Variants in TNRC6B observed in about 807,000 individuals in gnomAD.
TNRC6B encodes trinucleotide repeat-containing gene 6B protein.
A neutral mutation model predicts 203.6 loss-of-function variants in TNRC6B; 52 were observed. That is an observed-to-expected ratio of 0.26 (90% CI 0.20 to 0.32). TNRC6B has a LOEUF of 0.32. Ranked by LOEUF, TNRC6B falls within the 10% of genes least tolerant of loss-of-function variation. The probability of loss-of-function intolerance (pLI) is 1.00; values close to 1 mark genes in which losing one functional copy is unlikely to be tolerated. For synonymous variants in TNRC6B, 838 were observed against 845.7 expected, an observed-to-expected ratio of 0.99 and a Z score of 0.16; for missense variants, 1,923 against 2,286.2, an observed-to-expected ratio of 0.84 and a Z score of 3.24.
chr22:40,148,711 A>G (rs997801154), intron 3 of TNRC6B, among the ~76,000 whole-genome samples: 2 of 120,408 alleles, frequency 1.7e-5, no homozygotes, highest in African/African-American at 3.7e-5. Context: ...ACTTGGGGAT[A>G]GGACTTTGAC....
At chr22:40,268,311 C>T (rs1195204256) in intron 5 of TNRC6B, among the ~76,000 whole-genome samples, 1 of 152,078 alleles carries the variant, frequency 6.6e-6, no homozygotes, top group Non-Finnish European at 1.5e-5. Flanking sequence ...GTCTCAGACT[C>T]CTGACCTCAG....
At chr22:40,184,135 GAT>G in intron 1 of TNRC6B, among the ~76,000 whole-genome samples, 2 of 152,166 alleles carry the variant, frequency 1.3e-5, no homozygotes, top group African/African-American at 2.4e-5. Context: ...CTTAGAAAAT[GAT>G]CTGTTTACTC....
intron 20 of TNRC6B, 130 bp from the exon 21 acceptor site, chr22:40,315,812 A>G: frequency 2.7e-6 from 2 of 749,262 alleles, no homozygotes; most frequent in Non-Finnish European, 4.4e-6. Flanking sequence ...AAAGAAGGTC[A>G]GAGTCCAGTG....
Position 40,329,432 on chromosome 22 carries a change from G to GT in TNRC6B, c.*6201dup, listed in dbSNP as rs139164362. 0.013 allele frequency: 1,956 copies of GT among 148,858 alleles called. 34 individuals are homozygous for GT. Among genetic ancestry groups the GT allele is most frequent in the African/African-American group, 0.043 (1,757 of 40,722 alleles). The allele number at this position is 148,858 out of a possible 1,614,324, so 9.2% of individuals were successfully genotyped here. Reference sequence around the variant, plus strand: ...ATGGTCCCTATTTGTCAGTGATAGTGTTTTTTTTTTCTTAAGTTTGACAAA... The same window carrying GT: ...ATGGTCCCTATTTGTCAGTGATAGTGTTTTTTTTTTTCTTAAGTTTGACAAA... On this transcript the variant is annotated 3_prime_UTR_variant, in exon 23 of 23. Transcript: ENST00000454349.
At chr22:40,048,835 C>T (rs923156584) in intron 1 of TNRC6B, among the ~76,000 whole-genome samples, 3 of 151,830 alleles carry the variant, frequency 2.0e-5, no homozygotes, top group African/African-American at 4.8e-5. Context: ...TCCTTCTATC[C>T]ATCCATCCAT....
At chr22:40,228,234 C>T (rs1364184029) in intron 1 of TNRC6B, among the ~76,000 whole-genome samples, 1 of 151,936 alleles carries the variant, frequency 6.6e-6, no homozygotes, top group Admixed American at 6.6e-5. Context: ...TTGAGACCAG[C>T]CTGGCCAACA....
chr22:40,047,860 A>C (rs2067704831), intron 1 of TNRC6B, among the ~76,000 whole-genome samples: 1 of 152,220 alleles, frequency 6.6e-6, no homozygotes. Flanking sequence ...AGTGCTTGGC[A>C]CATAGTGGGA....
At chr22:40,170,795 A>ACATATATGTGTGTG (rs2068979944) in intron 4 of TNRC6B, among the ~76,000 whole-genome samples, 1 of 42,922 alleles carries the variant, frequency 2.3e-5, no homozygotes, top group Non-Finnish European at 4.4e-5. Flanking sequence ...ATATGTGTGT[A>ACATATATGTGTGTG]TATATACATA....
chr22:40,142,349 A>G (rs1367348635), intron 3 of TNRC6B, among the ~76,000 whole-genome samples: 1 of 151,932 alleles, frequency 6.6e-6, no homozygotes, highest in Non-Finnish European at 1.5e-5. Flanking sequence ...GGCATGAGCC[A>G]CCGTGCACAG....
At chr22:40,315,237 G>C in intron 19 of TNRC6B, 46 bp from the exon 20 acceptor site, 1 of 1,519,814 alleles carries the variant, frequency 6.6e-7, no homozygotes, top group East Asian at 2.3e-5. Context: ...GTCAACAAAA[G>C]TGAACCGTCT....
Position 40,268,131 on chromosome 22 carries a change from A to G in TNRC6B, c.2806+1095A>G, listed in dbSNP as rs761582781. Among the ~76,000 whole-genome samples, 3 of 152,186 alleles carry G rather than the reference A, an allele frequency of 2.0e-5. 1 individual carries two copies. The South Asian group carries it at 6.2e-4, about 32-fold the overall frequency. On this transcript the variant is annotated intron_variant, in intron 5 of 22. Coordinates refer to ENST00000454349, the MANE Select transcript of TNRC6B (RefSeq NM_001162501.2). ...GAGACAGAGTCTCACTCTGTTGCCCAGGCTGGAGTGCAGTGGCACGATCTC... is the reference window on the plus strand; with the variant it reads ...GAGACAGAGTCTCACTCTGTTGCCCGGGCTGGAGTGCAGTGGCACGATCTC...
intron 1 of TNRC6B, among the ~76,000 whole-genome samples, chr22:40,244,552 G>A (rs1446853689): frequency 6.6e-6 from 1 of 151,448 alleles, no homozygotes; most frequent in Non-Finnish European, 1.5e-5. Context: ...TATAGTTTCA[G>A]TATGTTAAAC....
chr22:40,058,148 C>T (rs371257702), intron 1 of TNRC6B, among the ~76,000 whole-genome samples: 7 of 152,274 alleles, frequency 4.6e-5, no homozygotes, highest in African/African-American at 1.7e-4. Flanking sequence ...TGGACTGCTC[C>T]AGAAAGAGGA....
At chr22:40,080,172 G>A (rs895499427) in intron 1 of TNRC6B, among the ~76,000 whole-genome samples, 1 of 147,418 alleles carries the variant, frequency 6.8e-6, no homozygotes, top group African/African-American at 2.6e-5. Context: ...CTGACTCTTG[G>A]CCGTAAGTGA....
chr22:40,301,660 T>G (rs2071025595), intron 15 of TNRC6B, among the ~76,000 whole-genome samples: 1 of 152,062 alleles, frequency 6.6e-6, no homozygotes, highest in African/African-American at 2.4e-5. Flanking sequence ...CATATCAGAA[T>G]TCATCCCTTT....
At chr22:40,090,429 C>G (rs749999182) in intron 1 of TNRC6B, among the ~76,000 whole-genome samples, 30 of 151,456 alleles carry the variant, frequency 2.0e-4, no homozygotes, top group Non-Finnish European at 3.5e-4. Flanking sequence ...TTTGTAGTTC[C>G]CTAATGACAT....
At chr22:40,072,885 AAAAG>A (rs2067964734) in intron 1 of TNRC6B, among the ~76,000 whole-genome samples, 2 of 151,264 alleles carry the variant, frequency 1.3e-5, no homozygotes, top group Admixed American at 1.3e-4. Context: ...AAAAAAAAAA[AAAAG>A]CTGGCTTCAC....
At chr22:40,182,130 A>G (rs1194734107) in intron 1 of TNRC6B, among the ~76,000 whole-genome samples, 1 of 152,088 alleles carries the variant, frequency 6.6e-6, no homozygotes, top group Admixed American at 6.5e-5. Flanking sequence ...CTGTAATCCC[A>G]GCTACTCGGG....
chr22:40,102,604 C>T (rs1476742083), intron 1 of TNRC6B, among the ~76,000 whole-genome samples: 1 of 151,978 alleles, frequency 6.6e-6, no homozygotes, highest in African/African-American at 2.4e-5. Flanking sequence ...TTATATACAT[C>T]ATATATATAA....
Sources: gnomAD v4.1 joint callset for allele counts (sites outside exome capture counted in the v4.1 genomes callset) on GRCh38, gnomAD v4.1.1 for gene constraint, MANE v1.5 for transcripts, NCBI Gene and HGNC (gene_info 2026-07-23, HGNC 2026-07-21) for gene names.